The following NLGN1 variants were observed in gnomAD, a reference collection of about 807,000 sequenced individuals.
NLGN1 encodes the protein neuroligin 1.
In NLGN1, 12 loss-of-function variants were observed where a neutral mutation model predicts 65.5. The observed-to-expected ratio is 0.18, with a 90% CI of 0.12 to 0.30. The LOEUF (loss-of-function observed/expected upper bound fraction) is 0.30, where lower values mean the gene tolerates loss of function less well. NLGN1 is among the 10% of genes least tolerant of loss of function. NLGN1 has a pLI of 1.00. For synonymous variants in NLGN1, 350 were observed against 359.5 expected, an observed-to-expected ratio of 0.97 and a Z score of 0.30; for missense variants, 750 against 1,007.1, an observed-to-expected ratio of 0.74 and a Z score of 3.46.
intron 3 of NLGN1, among the ~76,000 whole-genome samples, chr3:173,641,494 G>A (rs1037694270): frequency 1.2e-4 from 18 of 151,950 alleles, no homozygotes; most frequent in Non-Finnish European, 2.6e-4. Context: ...ACAGGGTTTC[G>A]CCATGTTGGC....
At chr3:174,059,419 A>G (rs550914507) in intron 4 of NLGN1, among the ~76,000 whole-genome samples, 27 of 152,268 alleles carry the variant, frequency 1.8e-4, no homozygotes, top group Admixed American at 1.6e-3. Context: ...AAACTGCTAT[A>G]AATGAAAGGT....
At chr3:174,032,401 T>G (rs1398892770) in intron 4 of NLGN1, among the ~76,000 whole-genome samples, 2 of 152,190 alleles carry the variant, frequency 1.3e-5, no homozygotes, top group African/African-American at 4.8e-5. Flanking sequence ...TTCTAAGCTC[T>G]TTAGGTGGTA....
intron 2 of NLGN1, among the ~76,000 whole-genome samples, chr3:173,437,631 T>G (rs1449765200): frequency 2.6e-5 from 4 of 152,172 alleles, no homozygotes; most frequent in Non-Finnish European, 2.9e-5. Context: ...CTCATTTGAC[T>G]ACCAACTTTT....
intron 3 of NLGN1, among the ~76,000 whole-genome samples, chr3:173,631,994 C>A (rs1357388593): frequency 6.6e-6 from 1 of 151,724 alleles, no homozygotes; most frequent in Non-Finnish European, 1.5e-5. Context: ...GGTTATAAAC[C>A]CTTGGAAAAT....
chr3:174,025,712 C>T (rs1296569679), intron 4 of NLGN1, among the ~76,000 whole-genome samples: 1 of 152,054 alleles, frequency 6.6e-6, no homozygotes, highest in East Asian at 1.9e-4. Context: ...ATTATCAGGA[C>T]TGCTAAGGAT....
chr3:173,942,109 G>GGTGTGTGTGT (rs1050946666), intron 4 of NLGN1, among the ~76,000 whole-genome samples: 84 of 144,142 alleles, frequency 5.8e-4, no homozygotes, highest in African/African-American at 2.1e-3. Context: ...GGTGGTTGGG[G>GGTGTGTGTGT]GTGTGTGTGT....
intron 3 of NLGN1, among the ~76,000 whole-genome samples, chr3:173,609,994 A>G (rs1439479823): frequency 6.6e-6 from 1 of 151,912 alleles, no homozygotes; most frequent in African/African-American, 2.4e-5. Context: ...AGAGAGAGAC[A>G]GAATAATCTG....
chr3:174,187,159 TTCAA>T (rs1345362909), intron 4 of NLGN1, among the ~76,000 whole-genome samples: 1 of 151,956 alleles, frequency 6.6e-6, no homozygotes, highest in Admixed American at 6.6e-5. Context: ...TTTGGAAATT[TTCAA>T]TCAATGATTG....
intron 4 of NLGN1, among the ~76,000 whole-genome samples, chr3:174,021,404 T>C (rs928838047): frequency 6.6e-6 from 1 of 152,136 alleles, no homozygotes; most frequent in Non-Finnish European, 1.5e-5. Flanking sequence ...CTTTTCTTAG[T>C]TAAAAATATC....
intron 4 of NLGN1, among the ~76,000 whole-genome samples, chr3:173,878,188 C>T (rs941103138): frequency 6.6e-6 from 1 of 152,066 alleles, no homozygotes; most frequent in Non-Finnish European, 1.5e-5. Context: ...ACTACAGGTG[C>T]ATGCCACCAC....
At chr3:174,152,652 A>G (rs998596171) in intron 4 of NLGN1, among the ~76,000 whole-genome samples, 6 of 151,816 alleles carry the variant, frequency 4.0e-5, no homozygotes, top group Admixed American at 3.3e-4. Flanking sequence ...TAATAAAAAT[A>G]TATATATAAA....
At chr3:173,825,439 T>C (rs1455940626) in intron 4 of NLGN1, among the ~76,000 whole-genome samples, 2 of 152,082 alleles carry the variant, frequency 1.3e-5, no homozygotes, top group Non-Finnish European at 2.9e-5. Context: ...TTTTGATTTT[T>C]ATATCCTTTG....
intron 3 of NLGN1, among the ~76,000 whole-genome samples, chr3:173,786,601 T>C (rs533298060): frequency 2.0e-5 from 3 of 152,316 alleles, no homozygotes; most frequent in African/African-American, 7.2e-5. Flanking sequence ...GTAGTATTTA[T>C]ATTTATAAAT....
At chr3:173,944,302 C>G (rs1746757403) in intron 4 of NLGN1, among the ~76,000 whole-genome samples, 1 of 151,852 alleles carries the variant, frequency 6.6e-6, no homozygotes, top group African/African-American at 2.4e-5. Context: ...GAATCACAAA[C>G]ATACATGTGG....
At chr3:173,999,556 A>G (rs974626860) in intron 4 of NLGN1, among the ~76,000 whole-genome samples, 1 of 152,184 alleles carries the variant, frequency 6.6e-6, no homozygotes, top group Non-Finnish European at 1.5e-5. Flanking sequence ...TGGAAGTTTC[A>G]TAGAATATGT....
Position 174,170,707 on chromosome 3 carries a change from T to C in NLGN1, c.647-104608T>C, listed in dbSNP as rs138173572. Among the ~76,000 whole-genome samples the C allele has an allele frequency of 7.3e-4, 111 of 152,324 alleles. 2 individuals carry two copies. The East Asian group carries it at 0.02, about 27-fold the overall frequency. The stretch of plus-strand genomic sequence containing the variant: ...AACATATGGCACTAGCTAATGTGCA[T>C]AACAGTGACCACAATGAATATAATA... On this transcript the variant is annotated intron_variant, in intron 4 of 6. Transcript: ENST00000457714.
chr3:173,707,785 A>T (rs1768280460), intron 3 of NLGN1, among the ~76,000 whole-genome samples: 1 of 152,180 alleles, frequency 6.6e-6, no homozygotes, highest in African/African-American at 2.4e-5. Context: ...AAACTGAAAA[A>T]TTATAGCTTG....
intron 4 of NLGN1, among the ~76,000 whole-genome samples, chr3:174,250,510 T>G (rs1744574031): frequency 6.6e-6 from 1 of 152,178 alleles, no homozygotes; most frequent in Non-Finnish European, 1.5e-5. Context: ...GCAGAGGAAC[T>G]TTAAGATGGC....
chr3:173,763,600 T>C (rs1778324558), intron 3 of NLGN1, among the ~76,000 whole-genome samples: 1 of 152,122 alleles, frequency 6.6e-6, no homozygotes, highest in African/African-American at 2.4e-5. Flanking sequence ...CTCATTTAAT[T>C]TGTATATATG....
Sources: allele counts gnomAD v4.1 joint callset (sites outside exome capture counted in the v4.1 genomes callset), GRCh38; gene constraint gnomAD v4.1.1; transcripts MANE v1.5; gene names NCBI Gene and HGNC (gene_info 2026-07-23, HGNC 2026-07-21).